Variants in KIF20B observed in about 807,000 individuals in gnomAD.
KIF20B encodes kinesin family member 20B.
In KIF20B, 188 loss-of-function variants were observed where a neutral mutation model predicts 232.5. The observed-to-expected ratio is 0.81, with a 90% CI of 0.72 to 0.91. The LOEUF (loss-of-function observed/expected upper bound fraction) is 0.91. Ranked by LOEUF, KIF20B falls within the 40% of genes least tolerant of loss-of-function variation. The pLI, the probability that KIF20B is intolerant of heterozygous loss-of-function variation, is 0.00. For synonymous variants in KIF20B, 712 were observed against 683.0 expected (o/e 1.04, Z -0.66); for missense variants, 2,154 against 2,055.9 (o/e 1.05, Z -0.92).
In KIF20B at chr10:89,717,407, T is replaced by C. The variant is rs1842955944; in HGVS notation, c.1053-17T>C. On this transcript the variant is annotated splice_polypyrimidine_tract_variant and intron_variant, in intron 9 of 32. Transcript: ENST00000371728. The stretch of plus-strand genomic sequence containing the variant: ...AAATTAAAAATGATAAGATAACATT[T>C]GATCTTTGTATTTCAGTCACAGCAT... 1 of 1,463,350 alleles carries C rather than the reference T, an allele frequency of 6.8e-7. No homozygotes were observed. Among genetic ancestry groups the C allele is most frequent in the South Asian group, 1.2e-5 (1 of 84,114 alleles). The allele number at this position is 1,463,350 out of a possible 1,614,324, so 90.6% of individuals were successfully genotyped here. A position where few individuals can be genotyped will look rare whatever the true frequency, so the allele number is the denominator to read the frequency against.
At chr10:89,739,141 G>A (rs1451205921) in intron 21 of KIF20B, 45 bp downstream of exon 21, 2 of 1,580,726 alleles carry the variant, frequency 1.3e-6, no homozygotes, top group African/African-American at 1.4e-5. Context: ...GATAAAGATT[G>A]TTTTCCTTAT....
At chr10:89,739,801 A>C (rs758336692) in intron 21 of KIF20B, among the ~76,000 whole-genome samples, 11 of 152,258 alleles carry the variant, frequency 7.2e-5, no homozygotes, top group South Asian at 6.2e-4. Context: ...AAACTTTAAA[A>C]AATATAATTT....
intron 11 of KIF20B, 31 bp from the exon 12 acceptor site, chr10:89,718,678 CT>C (rs1471843513): frequency 3.2e-6 from 5 of 1,560,730 alleles, no homozygotes; most frequent in Non-Finnish European, 4.4e-6. Context: ...TGTTTTTTAA[CT>C]TACAATGTTT....
chr10:89,721,559 A>G (rs538658384), intron 13 of KIF20B, among the ~76,000 whole-genome samples: 1 of 152,132 alleles, frequency 6.6e-6, no homozygotes, highest in African/African-American at 2.4e-5. Flanking sequence ...AGTCCCAGCT[A>G]CTTGGGAGGC....
At position 89,710,958 on chromosome 10, in the gene KIF20B, C is replaced by T. The variant is rs748001325; in HGVS notation, c.491-3C>T. 5.0e-6 allele frequency: 8 copies of T among 1,599,720 alleles called. No individual in the cohort carries two copies. Among genetic ancestry groups the T allele is most frequent in the Non-Finnish European group, 6.8e-6 (8 of 1,175,780 alleles). ...GAGTATAACACAAAAATTCCTTTTGCAGGGACAGAAGAAAATATTGGCATT... is the reference window on the plus strand; with the variant it reads ...GAGTATAACACAAAAATTCCTTTTGTAGGGACAGAAGAAAATATTGGCATT... On this transcript the variant is annotated splice_region_variant and splice_polypyrimidine_tract_variant and intron_variant, in intron 5 of 32. Transcript: ENST00000371728.
intron 1 of KIF20B, among the ~76,000 whole-genome samples, chr10:89,704,701 G>C (rs548081105): frequency 1.3e-5 from 2 of 152,048 alleles, no homozygotes; most frequent in Non-Finnish European, 1.5e-5. Context: ...GATTACAGGT[G>C]CCTGGCACCA....
chr10:89,733,158 A>ATCTTGAGAAAATCTAAACG (rs1843366604), intron 19 of KIF20B, 102 bp downstream of exon 19: 2 of 1,210,210 alleles, frequency 1.7e-6, no homozygotes, highest in Non-Finnish European at 2.4e-6. Context: ...CTAAGGAAAA[A>ATCTTGAGAAAATCTAAACG]TCTTGAGAAA....
intron 28 of KIF20B, 137 bp downstream of exon 28, chr10:89,760,773 A>T (rs954967415): frequency 2.6e-5 from 14 of 544,154 alleles, no homozygotes; most frequent in Middle Eastern, 4.8e-4. Flanking sequence ...AAGAAACTAG[A>T]GGCTTTTGAG....
Position 89,709,475 on chromosome 10 carries a change from GT to G in KIF20B, c.351+19del. The G allele has an allele frequency of 6.5e-7, 1 of 1,549,646 alleles. No homozygotes were observed. Among genetic ancestry groups the G allele is most frequent in the Non-Finnish European group, 8.9e-7 (1 of 1,124,266 alleles). On this transcript the variant is annotated intron_variant, in intron 4 of 32. Transcript: ENST00000371728. Reference sequence around the variant, plus strand: ...AGTTTTTCCAAGGTAAAACTGAAGTGTTTTTGTTTTTTGTTTTAAAGATAAA... The same window carrying G: ...AGTTTTTCCAAGGTAAAACTGAAGTGTTTTGTTTTTTGTTTTAAAGATAAA...
At position 89,726,293 on chromosome 10, in the gene KIF20B, G is replaced by A. The variant is rs1308448981; in HGVS notation, c.2002G>A (p.Glu668Lys). 1 of 1,543,108 alleles carries A rather than the reference G, an allele frequency of 6.5e-7. No homozygotes were observed. The highest frequency in any genetic ancestry group is 8.7e-7 in the Non-Finnish European group (1 of 1,143,602). Residue 668 changes from glutamate to lysine, a missense_variant and splice_region_variant, in exon 16 of 33, where the codon GAA (glutamate) becomes AAA (lysine). By Grantham distance (56) the Glu-to-Lys change is moderately conservative (BLOSUM62 1). Coordinates refer to ENST00000371728, the MANE Select transcript of KIF20B (RefSeq NM_001284259.2). ...DICATKVETE[E>K]THNYVGFEDI... is the part of the protein sequence containing the mutation. ...GGCATGTGGTTTTTGCTATTTTTAG[G>A]AAACACATAATTATGTAGGATTTGA...
intron 18 of KIF20B, among the ~76,000 whole-genome samples, chr10:89,732,150 G>A (rs141808846): frequency 2.0e-3 from 290 of 148,278 alleles, no homozygotes; most frequent in African/African-American, 6.8e-3. Context: ...TAGAGGTAGG[G>A]TCTCATCACT....
Position 89,737,794 on chromosome 10 carries a change from A to C in KIF20B, c.2953A>C (p.Met985Leu). Residue 985 changes from methionine (M) to leucine (L), a missense_variant, in exon 20 of 33, where the codon ATG becomes CTG. Physicochemically the swap from Met to Leu is conservative, Grantham distance 15. Coordinates refer to ENST00000371728, the MANE Select transcript of KIF20B (RefSeq NM_001284259.2). ...ITNNVSQIKL[M>L]HTKIDELRTL... ...AAATAATGTTTCACAAATAAAATTA[A>C]TGCACACGAAAATAGACGAACTACG... The C allele has an allele frequency of 6.2e-7, 1 of 1,612,866 alleles. No homozygotes were observed. The highest frequency in any genetic ancestry group is 8.5e-7 in the Non-Finnish European group (1 of 1,179,290).
chr10:89,749,319 T>C (rs903246660), intron 23 of KIF20B, among the ~76,000 whole-genome samples: 9 of 152,222 alleles, frequency 5.9e-5, no homozygotes, highest in Non-Finnish European at 1.2e-4. Flanking sequence ...TTTCTATTTA[T>C]TCACGGAATG....
intron 28 of KIF20B, among the ~76,000 whole-genome samples, chr10:89,761,027 C>T (rs1842227322): frequency 6.6e-6 from 1 of 151,980 alleles, no homozygotes; most frequent in Non-Finnish European, 1.5e-5. Flanking sequence ...TCGTGAGTTT[C>T]CTTAATTTGT....
chr10:89,722,041 A>G (rs1374977605), intron 13 of KIF20B, among the ~76,000 whole-genome samples: 1 of 152,088 alleles, frequency 6.6e-6, no homozygotes, highest in Non-Finnish European at 1.5e-5. Context: ...TCTCCTGAGT[A>G]GCTGGGACCA....
At chr10:89,711,927 T>C (rs1842843816) in intron 6 of KIF20B, among the ~76,000 whole-genome samples, 1 of 152,160 alleles carries the variant, frequency 6.6e-6, no homozygotes, top group African/African-American at 2.4e-5. Flanking sequence ...ATTGCAAATA[T>C]ATTTGGTGCT....
At chr10:89,724,169 TTAC>T in intron 14 of KIF20B, 66 bp downstream of exon 14, 3 of 1,354,332 alleles carry the variant, frequency 2.2e-6, no homozygotes, top group Non-Finnish European at 2.9e-6. Flanking sequence ...GTTTTTTTTT[TTAC>T]TTAGTTTACT....
In KIF20B at chr10:89,725,076, C is replaced by T; in HGVS notation, c.1919C>T (p.Ala640Val). 1 of 1,613,770 alleles carries T rather than the reference C, an allele frequency of 6.2e-7. No homozygotes were observed. The highest frequency in any genetic ancestry group is 8.5e-7 in the Non-Finnish European group (1 of 1,179,776). ...GAAGAAAATGCTGAACGTCGTTTGG[C>T]TATCTTCAAGGATTTGGTTGGTAAA... ...ILEENAERRL[A>V]IFKDLVGKCD... The change falls in exon 15 of 33, where the codon GCT becomes GTT. Residue 640 changes from alanine to valine, a missense_variant. Physicochemically the swap from Ala to Val is moderately conservative, Grantham distance 64. Transcript: ENST00000371728.
At chr10:89,741,693 C>A (rs543984169) in intron 21 of KIF20B, among the ~76,000 whole-genome samples, 1 of 152,214 alleles carries the variant, frequency 6.6e-6, no homozygotes, top group East Asian at 1.9e-4. Flanking sequence ...GTTTCAGTTA[C>A]CTGTGGCCAA....
Sources: gnomAD v4.1 joint callset for allele counts (sites outside exome capture counted in the v4.1 genomes callset) on GRCh38, gnomAD v4.1.1 for gene constraint, MANE v1.5 for transcripts, NCBI Gene and HGNC (gene_info 2026-07-23, HGNC 2026-07-21) for gene names.